The following EPHA6 variants were observed in gnomAD, a reference collection of about 807,000 sequenced individuals.
EPHA6 encodes the protein EPH receptor A6, also known as ephrin type-A receptor 6.
In EPHA6, 50 loss-of-function variants were observed where a neutral mutation model predicts 112.0. The observed-to-expected ratio is 0.45, with a 90% CI of 0.36 to 0.56. The LOEUF (loss-of-function observed/expected upper bound fraction) is 0.56, where lower values mean the gene tolerates loss of function less well. EPHA6 is among the 20% of genes least tolerant of loss of function. The probability of loss-of-function intolerance (pLI) is 0.00; values close to 1 mark genes in which losing one functional copy is unlikely to be tolerated. For synonymous variants in EPHA6, 529 were observed against 490.7 expected, an observed-to-expected ratio of 1.08 and a Z score of -1.03; for missense variants, 1,280 against 1,417.4, an observed-to-expected ratio of 0.90 and a Z score of 1.56.
chr3:96,964,554 C>G (rs557228570), intron 2 of EPHA6, among the ~76,000 whole-genome samples: 3 of 151,934 alleles, frequency 2.0e-5, no homozygotes, highest in Non-Finnish European at 4.4e-5. Context: ...TTCATCATCT[C>G]TTTGTTATAC....
At chr3:97,250,804 T>C (rs187710050) in intron 5 of EPHA6, among the ~76,000 whole-genome samples, 1 of 152,334 alleles carries the variant, frequency 6.6e-6, no homozygotes, top group African/African-American at 2.4e-5. Context: ...TTTGGATAAC[T>C]GATTCATTAT....
At chr3:97,389,123 T>C (rs1196487130) in intron 5 of EPHA6, among the ~76,000 whole-genome samples, 1 of 152,136 alleles carries the variant, frequency 6.6e-6, no homozygotes, top group East Asian at 1.9e-4. Context: ...AATTAGTATA[T>C]AAATAGTAAA....
intron 6 of EPHA6, among the ~76,000 whole-genome samples, chr3:97,414,493 T>C (rs1380087380): frequency 6.6e-6 from 1 of 152,084 alleles, no homozygotes; most frequent in Non-Finnish European, 1.5e-5. Context: ...CTCTGATACT[T>C]AAACTATTAC....
chr3:97,626,108 GA>G (rs2093854594), intron 13 of EPHA6, among the ~76,000 whole-genome samples: 1 of 151,762 alleles, frequency 6.6e-6, no homozygotes, highest in Non-Finnish European at 1.5e-5. Context: ...GCTGGACCAT[GA>G]AGAGCAAGTT....
intron 3 of EPHA6, among the ~76,000 whole-genome samples, chr3:97,214,001 G>C (rs1422104071): frequency 1.0e-4 from 10 of 99,004 alleles, no homozygotes; most frequent in Non-Finnish European, 1.4e-4. Context: ...TGTGTTCTGT[G>C]TGTGTGTGTG....
At position 97,752,911 on chromosome 3, in the gene EPHA6, A is replaced by C. The variant is rs2035935874; in HGVS notation, c.*4210A>C. 6.6e-6 allele frequency among the ~76,000 whole-genome samples: 1 copy of C among 152,084 alleles called. No homozygotes were observed. Among genetic ancestry groups the C allele is most frequent in the Non-Finnish European group, 1.5e-5 (1 of 67,984 alleles). On this transcript the variant is annotated 3_prime_UTR_variant, in exon 18 of 18. Coordinates refer to ENST00000389672, the MANE Select transcript of EPHA6 (RefSeq NM_001080448.3). ...TCACTTCTTTTAGTATGAGCATCTT[A>C]ACTTTTCCAATCTCAAATTCTGTGA...
At chr3:97,395,002 G>A (rs905650084) in intron 5 of EPHA6, among the ~76,000 whole-genome samples, 2 of 151,390 alleles carry the variant, frequency 1.3e-5, no homozygotes, top group Non-Finnish European at 3.0e-5. Flanking sequence ...AAACCGCAAA[G>A]CTTCTGCCAT....
chr3:96,945,595 A>G (rs1465838055), intron 2 of EPHA6, among the ~76,000 whole-genome samples: 2 of 152,352 alleles, frequency 1.3e-5, no homozygotes, highest in Non-Finnish European at 2.9e-5. Context: ...AAATAACTCG[A>G]TATTACCTAT....
intron 14 of EPHA6, among the ~76,000 whole-genome samples, chr3:97,688,953 C>A (rs1362945001): frequency 6.6e-6 from 1 of 151,942 alleles, no homozygotes; most frequent in Admixed American, 6.6e-5. Flanking sequence ...TTGAGTAAAC[C>A]AAATGTATAG....
Position 97,753,539 on chromosome 3 carries a change from G to T in EPHA6, c.*4838G>T, listed in dbSNP as rs2035949709. On this transcript the variant is annotated 3_prime_UTR_variant, in exon 18 of 18. Coordinates refer to ENST00000389672, the MANE Select transcript of EPHA6 (RefSeq NM_001080448.3). ...CAGTTGATCCTCTTCAGGAGTCACA[G>T]ATTTTTATTGTCTGATAGCATAGCT... Among the ~76,000 whole-genome samples the T allele has an allele frequency of 6.6e-6, 1 of 152,124 alleles. No individual in the cohort carries two copies. Among genetic ancestry groups the T allele is most frequent in the African/African-American group, 2.4e-5 (1 of 41,436 alleles).
At chr3:96,900,802 T>G (rs114045595) in intron 2 of EPHA6, among the ~76,000 whole-genome samples, 20 of 152,326 alleles carry the variant, frequency 1.3e-4, no homozygotes, top group Non-Finnish European at 2.4e-4. Flanking sequence ...TTGCTTGTTA[T>G]GAGGAGGAGG....
chr3:97,062,851 T>C (rs1482599584), intron 3 of EPHA6, among the ~76,000 whole-genome samples: 2 of 152,008 alleles, frequency 1.3e-5, no homozygotes, highest in Non-Finnish European at 2.9e-5. Flanking sequence ...CAGTTTCAGG[T>C]ATGTCTTTAT....
intron 3 of EPHA6, among the ~76,000 whole-genome samples, chr3:97,079,764 T>G (rs1214014883): frequency 6.6e-6 from 1 of 152,124 alleles, no homozygotes; most frequent in Non-Finnish European, 1.5e-5. Flanking sequence ...CTTTATTGTC[T>G]TATTTTAAGA....
chr3:96,951,487 A>G (rs2041531244), intron 2 of EPHA6, among the ~76,000 whole-genome samples: 1 of 152,136 alleles, frequency 6.6e-6, no homozygotes, highest in Non-Finnish European at 1.5e-5. Flanking sequence ...TGCTGATGAT[A>G]TATTTTCTAT....
intron 10 of EPHA6, among the ~76,000 whole-genome samples, chr3:97,494,037 G>A (rs1368607559): frequency 6.6e-6 from 1 of 152,194 alleles, no homozygotes; most frequent in Non-Finnish European, 1.5e-5. Flanking sequence ...ACTGTTCAAT[G>A]TGCAATTGAA....
chr3:96,823,945 A>T (rs548551953), intron 1 of EPHA6, among the ~76,000 whole-genome samples: 1 of 151,814 alleles, frequency 6.6e-6, no homozygotes, highest in African/African-American at 2.4e-5. Flanking sequence ...AAATTAGCAT[A>T]CTCCAATTTT....
rs185331374 is a variant in EPHA6, at chr3:97,137,321, G to A, written c.1115-88943G>A. 8.0e-4 allele frequency among the ~76,000 whole-genome samples: 121 copies of A among 152,174 alleles called. 1 individual carries two copies. In the East Asian group the frequency reaches 0.021, roughly 27 times the overall value. On this transcript the variant is annotated intron_variant, in intron 3 of 17. Transcript: ENST00000389672. ...TCTTGTACTCCTCCTGCCCCAGATT[G>A]CTTACCACATGTTCCATAGATTTTG...
chr3:97,277,919 G>T (rs1048011053), intron 5 of EPHA6, among the ~76,000 whole-genome samples: 2 of 152,138 alleles, frequency 1.3e-5, no homozygotes, highest in Admixed American at 6.5e-5. Flanking sequence ...TTTATAAAAA[G>T]AAAGTAATTA....
chr3:97,610,718 G>A, intron 12 of EPHA6, 75 bp from the exon 13 acceptor site: 3 of 1,154,102 alleles, frequency 2.6e-6, no homozygotes, highest in Non-Finnish European at 3.8e-6. Context: ...AGTTGCCACA[G>A]CTGGGTATCT....
Sources: gnomAD v4.1 joint callset for allele counts (sites outside exome capture counted in the v4.1 genomes callset) on GRCh38, gnomAD v4.1.1 for gene constraint, MANE v1.5 for transcripts, NCBI Gene and HGNC (gene_info 2026-07-23, HGNC 2026-07-21) for gene names.